Variants in SIL1 observed in about 807,000 individuals in gnomAD.
SIL1 encodes SIL1 nucleotide exchange factor, also known as nucleotide exchange factor SIL1.
In SIL1, 40 loss-of-function variants were observed where a neutral mutation model predicts 49.1. The observed-to-expected ratio is 0.81, with a 90% CI of 0.63 to 1.06. The LOEUF is 1.06. Ranked by LOEUF, SIL1 falls within the 50% of genes least tolerant of loss-of-function variation. The pLI, the probability that SIL1 is intolerant of heterozygous loss-of-function variation, is 0.00. For missense variants in SIL1, 500 were observed against 572.6 expected, an observed-to-expected ratio of 0.87 and a Z score of 1.29; for synonymous variants, 253 against 250.8, an observed-to-expected ratio of 1.01 and a Z score of -0.08.
At chr5:138,982,332 A>G (rs1429291400) in intron 7 of SIL1, among the ~76,000 whole-genome samples, 1 of 152,234 alleles carries the variant, frequency 6.6e-6, no homozygotes, top group Non-Finnish European at 1.5e-5. Context: ...TCACCTCAAG[A>G]TAAATCCTCC....
intron 1 of SIL1, among the ~76,000 whole-genome samples, chr5:139,196,933 A>T (rs1484289026): frequency 3.3e-5 from 5 of 151,976 alleles, no homozygotes; most frequent in African/African-American, 1.2e-4. Flanking sequence ...AGCAGAAAAG[A>T]CACACACACA....
intron 1 of SIL1, among the ~76,000 whole-genome samples, chr5:139,150,266 T>C (rs956782328): frequency 4.6e-5 from 7 of 152,154 alleles, no homozygotes; most frequent in Non-Finnish European, 1.0e-4. Context: ...TCTCCTCTTG[T>C]ATGTTCCACA....
chr5:139,021,172 T>C lies in SIL1; in HGVS notation c.766A>G (p.Ser256Gly), dbSNP rs1430774125. The change falls in exon 7 of 10, where the codon AGC becomes GGC. Residue 256 changes from serine (S) to glycine (G), a missense_variant and splice_region_variant. Physicochemically the swap from Ser to Gly is moderately conservative, Grantham distance 56. Coordinates refer to ENST00000394817, the MANE Select transcript of SIL1 (RefSeq NM_022464.5). ...TGGGACGTCCATTATACTGCTCACC[T>C]GGAAAAGGCAGCGCCCAGCACAAAC... is the stretch of plus-strand genomic sequence containing the variant. ...AAFVLGAAFS[S>G]NPKVQVEAIE... 9 of 1,614,142 alleles carry C rather than the reference T, an allele frequency of 5.6e-6. No homozygotes were observed. The highest frequency in any genetic ancestry group is 7.6e-6 in the Non-Finnish European group (9 of 1,180,022).
At chr5:139,018,970 G>T (rs575376697) in intron 7 of SIL1, among the ~76,000 whole-genome samples, 111 of 152,348 alleles carry the variant, frequency 7.3e-4, no homozygotes, top group Non-Finnish European at 1.4e-3. Context: ...TAGATTGACT[G>T]TAGGTCCAGT....
intron 3 of SIL1, among the ~76,000 whole-genome samples, chr5:139,117,805 T>C (rs1423672092): frequency 2.0e-5 from 3 of 152,090 alleles, no homozygotes; most frequent in Non-Finnish European, 4.4e-5. Flanking sequence ...TTCAGGAGAT[T>C]CACCTGCAGC....
intron 1 of SIL1, among the ~76,000 whole-genome samples, chr5:139,173,874 A>G (rs1160298599): frequency 1.3e-5 from 2 of 150,538 alleles, no homozygotes; most frequent in South Asian, 2.1e-4. Flanking sequence ...CAGGAGAATG[A>G]CGTGAACCCA....
chr5:138,976,655 C>T (rs1225148114), intron 7 of SIL1, among the ~76,000 whole-genome samples: 5 of 152,078 alleles, frequency 3.3e-5, no homozygotes, highest in Non-Finnish European at 7.4e-5. Context: ...AGAGGAAGCA[C>T]ATAGTAGGGA....
rs554039143 is a variant in SIL1 at position 139,176,681 on chromosome 5, G to A, written c.-11+21588C>T. Among the ~76,000 whole-genome samples the A allele has an allele frequency of 2.0e-5, 3 of 152,230 alleles. No homozygotes were observed. In the South Asian group the frequency reaches 6.2e-4, roughly 32 times the overall value. ...GGGTCCTCACATGCAGAAGAGGCAAGGAAGCTCCTCGGGCCTCTTTTATAA... is the reference window on the plus strand; with the variant it reads ...GGGTCCTCACATGCAGAAGAGGCAAAGAAGCTCCTCGGGCCTCTTTTATAA... On this transcript the variant is annotated intron_variant, in intron 1 of 9. Transcript: ENST00000394817.
intron 3 of SIL1, among the ~76,000 whole-genome samples, chr5:139,107,549 T>A (rs953656428): frequency 6.6e-6 from 1 of 152,222 alleles, no homozygotes; most frequent in African/African-American, 2.4e-5. Flanking sequence ...TTCACCAGTT[T>A]TTCCACTAAT....
intron 3 of SIL1, among the ~76,000 whole-genome samples, chr5:139,110,204 C>A (rs1343844066): frequency 2.0e-5 from 3 of 150,856 alleles, no homozygotes; most frequent in African/African-American, 7.3e-5. Context: ...AATGACTTGA[C>A]CAAACTGGGA....
chr5:139,091,383 A>G lies in SIL1; in HGVS notation c.244+29652T>C, dbSNP rs146716997. Among the ~76,000 whole-genome samples, 192 of 152,286 alleles carry G rather than the reference A, an allele frequency of 1.3e-3. 1 individual carries two copies. The highest frequency in any genetic ancestry group is 4.3e-3 in the African/African-American group (177 of 41,576). ...TAAGGAGAAAAAGACCAAAAACACA[A>G]TAGAAAAAAAAGACTACAGATATAA... On this transcript the variant is annotated intron_variant, in intron 3 of 9. Transcript: ENST00000394817.
intron 7 of SIL1, among the ~76,000 whole-genome samples, chr5:138,962,210 TC>T (rs769364244): frequency 6.6e-6 from 1 of 152,206 alleles, no homozygotes; most frequent in Non-Finnish European, 1.5e-5. Context: ...GAAAGCCTCT[TC>T]TACACGGAGG....
At chr5:139,097,585 C>A (rs1416783363) in intron 3 of SIL1, among the ~76,000 whole-genome samples, 1 of 151,528 alleles carries the variant, frequency 6.6e-6, no homozygotes, top group Non-Finnish European at 1.5e-5. Context: ...TCAAGCAATT[C>A]TCCTGCCTCA....
chr5:139,155,477 G>GAGAGAGAGAGAGAGAGAGA (rs765537884), intron 1 of SIL1: 6 of 151,556 alleles, frequency 4.0e-5, no homozygotes, highest in South Asian at 2.1e-4. Flanking sequence ...GAGAGAGAGA[G>GAGAGAGAGAGAGAGAGAGA]AACGAGCTCT....
Position 138,946,770 on chromosome 5 carries a change from A to T in SIL1, c.*347T>A. On this transcript the variant is annotated 3_prime_UTR_variant, in exon 10 of 10. Transcript: ENST00000394817. The stretch of plus-strand genomic sequence containing the variant: ...TGGCACTCCTGACAGATGAGGAAAC[A>T]AGCTCAGAGCAATTAAGCGACTTCC... 3.0e-6 allele frequency: 1 copy of T among 329,646 alleles called. No homozygotes were observed. Among genetic ancestry groups the T allele is most frequent in the Non-Finnish European group, 5.8e-6 (1 of 172,920 alleles). 20.4% of individuals were successfully genotyped at this position (329,646 alleles called of 1,614,324 possible). A position where few individuals can be genotyped will look rare whatever the true frequency, so the allele number is the denominator to read the frequency against.
At chr5:139,084,743 C>A (rs1404387982) in intron 3 of SIL1, among the ~76,000 whole-genome samples, 5 of 147,382 alleles carry the variant, frequency 3.4e-5, no homozygotes, top group South Asian at 2.2e-4. Context: ...ATGTAACTAA[C>A]CTGCACAATG....
intron 2 of SIL1, among the ~76,000 whole-genome samples, chr5:139,122,840 A>T (rs1195230765): frequency 6.6e-6 from 1 of 152,144 alleles, no homozygotes; most frequent in African/African-American, 2.4e-5. Flanking sequence ...CTCAAATCTA[A>T]CCACACCTGG....
At chr5:139,168,381 C>T (rs139023995) in intron 1 of SIL1, among the ~76,000 whole-genome samples, 4 of 152,344 alleles carry the variant, frequency 2.6e-5, no homozygotes, top group Admixed American at 6.5e-5. Flanking sequence ...GTAGCAGCTA[C>T]GTTTCCCCCA....
In SIL1 at chr5:138,951,826, T is replaced by C; in HGVS notation, c.826A>G (p.Ile276Val). 1.2e-6 allele frequency: 2 copies of C among 1,614,108 alleles called. No individual in the cohort carries two copies. The highest frequency in any genetic ancestry group is 1.7e-6 in the Non-Finnish European group (2 of 1,180,024). The stretch of plus-strand genomic sequence containing the variant: ...GTGAGCGGCTGCTCCGTGGCCAGGA[T>C]GACCAGCAGCTTCTGCAGGGCTCCC... Reference protein sequence around the residue: ...EGGALQKLLVILATEQPLTAK... With the variant: ...EGGALQKLLVVLATEQPLTAK... Residue 276 changes from isoleucine (I) to valine (V), a missense_variant, in exon 8 of 10, where the codon ATC becomes GTC. Coordinates refer to ENST00000394817, the MANE Select transcript of SIL1 (RefSeq NM_022464.5).
Sources: allele counts gnomAD v4.1 joint callset (sites outside exome capture counted in the v4.1 genomes callset), GRCh38; gene constraint gnomAD v4.1.1; transcripts MANE v1.5; gene names NCBI Gene and HGNC (gene_info 2026-07-23, HGNC 2026-07-21).